Variants in MYOCD observed in about 807,000 individuals in gnomAD.
MYOCD encodes the protein myocardin.
In MYOCD, 32 loss-of-function variants were observed where a neutral mutation model predicts 96.1. The observed-to-expected ratio is 0.33, with a 90% CI of 0.25 to 0.45. The LOEUF (loss-of-function observed/expected upper bound fraction) is 0.45, where lower values mean the gene tolerates loss of function less well. Ranked by LOEUF, MYOCD falls within the 20% of genes least tolerant of loss-of-function variation. MYOCD has a pLI of 1.00. For synonymous variants in MYOCD, 469 were observed against 469.0 expected, an observed-to-expected ratio of 1.00 and a Z score of 0.00; for missense variants, 1,133 against 1,200.6, an observed-to-expected ratio of 0.94 and a Z score of 0.83.
chr17:12,674,281 G>A (rs1909883105), intron 1 of MYOCD, among the ~76,000 whole-genome samples: 1 of 151,966 alleles, frequency 6.6e-6, no homozygotes, highest in South Asian at 2.1e-4. Flanking sequence ...ACACATACCT[G>A]ACCCAGTAGA....
intron 4 of MYOCD, among the ~76,000 whole-genome samples, chr17:12,720,927 C>T (rs1253650644): frequency 6.7e-6 from 1 of 150,302 alleles, no homozygotes; most frequent in Non-Finnish European, 1.5e-5. Context: ...GAGGCTGAGG[C>T]AGGAGAATGG....
chr17:12,755,142 A>G (rs2032974977), intron 10 of MYOCD, among the ~76,000 whole-genome samples: 1 of 152,234 alleles, frequency 6.6e-6, no homozygotes, highest in Admixed American at 6.5e-5. Flanking sequence ...ACTTATTGTC[A>G]TAATTAACAA....
chr17:12,730,712 A>G (rs1011278700), intron 5 of MYOCD, among the ~76,000 whole-genome samples: 3 of 152,148 alleles, frequency 2.0e-5, no homozygotes. Flanking sequence ...CCCTTAGGAC[A>G]CAAATTTTGC....
rs532485562 is a variant in MYOCD, at chr17:12,699,031, C to T, written c.56-6097C>T. Reference sequence around the variant, plus strand: ...TGCTGGGATTACAGGCGTGAGCCACCGCGCCCGGCCCCAGACCCTCTTTAA... The same window carrying T: ...TGCTGGGATTACAGGCGTGAGCCACTGCGCCCGGCCCCAGACCCTCTTTAA... On this transcript the variant is annotated intron_variant, in intron 1 of 13. Transcript: ENST00000425538. Among the ~76,000 whole-genome samples, 264 of 151,384 alleles carry T rather than the reference C, an allele frequency of 1.7e-3. 2 individuals are homozygous for T. Among genetic ancestry groups the T allele is most frequent in the African/African-American group, 6.0e-3 (248 of 41,254 alleles).
At chr17:12,732,364 G>C (rs7219332) in intron 5 of MYOCD, among the ~76,000 whole-genome samples, 1 of 151,960 alleles carries the variant, frequency 6.6e-6, no homozygotes, top group Non-Finnish European at 1.5e-5. Context: ...ATTGTCAGAC[G>C]CGCCCCTCTC....
intron 4 of MYOCD, among the ~76,000 whole-genome samples, chr17:12,719,743 T>A (rs7406565): frequency 0.49 from 72,255 of 146,796 alleles, 20,147 homozygotes; most frequent in Non-Finnish European, 0.63. Flanking sequence ...GGCACGTGCC[T>A]GTAATCCCAG....
chr17:12,678,691 A>C (rs76649364), intron 1 of MYOCD, among the ~76,000 whole-genome samples: 2,003 of 151,852 alleles, frequency 0.013, 16 homozygotes, highest in African/African-American at 0.022. Flanking sequence ...TTTTCTTCTT[A>C]TTATTATTTA....
intron 8 of MYOCD, 78 bp from the exon 9 acceptor site, chr17:12,745,841 C>A: frequency 6.7e-7 from 1 of 1,499,164 alleles, no homozygotes; most frequent in Non-Finnish European, 9.2e-7. Context: ...CAGGCAATCA[C>A]TTTGGGATCC....
intron 9 of MYOCD, among the ~76,000 whole-genome samples, chr17:12,749,995 G>T (rs373494802): frequency 6.6e-6 from 1 of 151,842 alleles, no homozygotes; most frequent in South Asian, 2.1e-4. Flanking sequence ...GACTACAGGC[G>T]CCCGCCATCA....
chr17:12,716,212 C>T (rs891106975), intron 3 of MYOCD, among the ~76,000 whole-genome samples: 1 of 152,172 alleles, frequency 6.6e-6, no homozygotes, highest in African/African-American at 2.4e-5. Flanking sequence ...CCTGAGAGTA[C>T]TAGCCTTGCA....
chr17:12,707,669 G>A (rs570647509), intron 2 of MYOCD, among the ~76,000 whole-genome samples: 66 of 152,180 alleles, frequency 4.3e-4, no homozygotes, highest in African/African-American at 1.4e-3. Context: ...AGCAGAGATC[G>A]CGCCACTGCA....
chr17:12,746,921 G>T (rs1482111586), intron 9 of MYOCD, among the ~76,000 whole-genome samples: 1 of 151,896 alleles, frequency 6.6e-6, no homozygotes, highest in Non-Finnish European at 1.5e-5. Flanking sequence ...TAGAGACAGG[G>T]TTTCACCAGT....
At chr17:12,754,128 A>G (rs1468714605) in intron 10 of MYOCD, among the ~76,000 whole-genome samples, 2 of 150,588 alleles carry the variant, frequency 1.3e-5, no homozygotes, top group East Asian at 1.9e-4. Flanking sequence ...TTTTTGAGAT[A>G]GAGTCTCGCT....
chr17:12,696,752 A>T (rs2030770511), intron 1 of MYOCD, among the ~76,000 whole-genome samples: 1 of 152,132 alleles, frequency 6.6e-6, no homozygotes, highest in African/African-American at 2.4e-5. Flanking sequence ...TTTCTTTCAT[A>T]CTGCTGATAC....
At position 12,744,363 on chromosome 17, in the gene MYOCD, C is replaced by G; in HGVS notation, c.898C>G (p.Gln300Glu). 3 of 1,614,180 alleles carry G rather than the reference C, an allele frequency of 1.9e-6. No homozygotes were observed. The highest frequency in any genetic ancestry group is 2.5e-6 in the Non-Finnish European group (3 of 1,180,034). Residue 300 changes from glutamine (Q) to glutamate (E), a missense_variant, in exon 8 of 14, where the codon CAA (glutamine) becomes GAA (glutamate). Coordinates refer to ENST00000425538, the MANE Select transcript of MYOCD (RefSeq NM_001146312.3). ...LQQQQLFLQL[Q>E]ILSQQQQQQQ... is the part of the protein sequence containing the mutation. Reference sequence around the variant, plus strand: ...GCAACAGCAGCTGTTCCTGCAGCTCCAAATCCTCAGCCAGCAGCAGCAGCA... The same window carrying G: ...GCAACAGCAGCTGTTCCTGCAGCTCGAAATCCTCAGCCAGCAGCAGCAGCA...
chr17:12,762,524 C>G, intron 13 of MYOCD: 1 of 111,066 alleles, frequency 9.0e-6, no homozygotes, highest in Non-Finnish European at 2.1e-5. Context: ...GCTCAGAGGC[C>G]AGCATGAACA....
chr17:12,738,224 C>G (rs868834811), intron 6 of MYOCD, among the ~76,000 whole-genome samples: 2 of 152,258 alleles, frequency 1.3e-5, no homozygotes, highest in Middle Eastern at 6.8e-3. Flanking sequence ...CACTGAGGCT[C>G]CAAGAGAAAA....
chr17:12,744,079 C>A, intron 7 of MYOCD, 104 bp from the exon 8 acceptor site: 1 of 1,357,114 alleles, frequency 7.4e-7, no homozygotes, highest in East Asian at 2.3e-5. Context: ...TTTCTGAGAT[C>A]CAAGAATGGC....
At chr17:12,681,660 G>T (rs1173881537) in intron 1 of MYOCD, among the ~76,000 whole-genome samples, 7 of 152,116 alleles carry the variant, frequency 4.6e-5, no homozygotes, top group Non-Finnish European at 8.8e-5. Context: ...AAGCAGAGCC[G>T]GGACATCCCT....
Sources: gnomAD v4.1 joint callset for allele counts (sites outside exome capture counted in the v4.1 genomes callset) on GRCh38, gnomAD v4.1.1 for gene constraint, MANE v1.5 for transcripts, NCBI Gene and HGNC (gene_info 2026-07-23, HGNC 2026-07-21) for gene names.